The following ECPAS variants were observed in gnomAD, a reference collection of about 807,000 sequenced individuals.
ECPAS encodes the protein Ecm29 proteasome adaptor and scaffold.
A neutral mutation model predicts 255.1 loss-of-function variants in ECPAS; 70 were observed. The ratio of observed to expected loss-of-function variants is 0.27; its 90% CI spans 0.23 to 0.33. ECPAS has a LOEUF of 0.33. Ranked by LOEUF, ECPAS falls within the 10% of genes least tolerant of loss-of-function variation. ECPAS has a pLI of 1.00. For missense variants in ECPAS, 1,817 were observed against 2,206.4 expected, an observed-to-expected ratio of 0.82 and a Z score of 3.54; for synonymous variants, 784 against 775.0, an observed-to-expected ratio of 1.01 and a Z score of -0.19.
intron 46 of ECPAS, among the ~76,000 whole-genome samples, chr9:111,368,111 G>A (rs1009881614): frequency 1.3e-5 from 2 of 151,938 alleles, no homozygotes; most frequent in African/African-American, 4.8e-5. Flanking sequence ...CACAAGGCAA[G>A]CTTAAAGGGT....
chr9:111,449,630 A>G (rs955223772), intron 3 of ECPAS, among the ~76,000 whole-genome samples: 5 of 152,226 alleles, frequency 3.3e-5, no homozygotes, highest in Non-Finnish European at 1.5e-5. Context: ...AAAATCTAAG[A>G]TAAGTAAATG....
Position 111,433,332 on chromosome 9 carries a change from A to G in ECPAS, c.749T>C (p.Val250Ala). ...GTGGAGAACAGCTTCAAGTTCAGGC[A>G]CCTGTTCAGCTTCTATGAATTTCAC... is the stretch of plus-strand genomic sequence containing the variant. ...GIVKFIEAEQ[V>A]PELEAVLHLV... The change falls in exon 8 of 50, where the codon GTG (valine) becomes GCG (alanine). Residue 250 changes from valine to alanine, a missense_variant. Coordinates refer to ENST00000684092, the MANE Select transcript of ECPAS (RefSeq NM_001364929.1). The G allele has an allele frequency of 6.2e-7, 1 of 1,614,014 alleles. No individual in the cohort carries two copies. The highest frequency in any genetic ancestry group is 1.7e-5 in the Admixed American group (1 of 60,028).
intron 12 of ECPAS, among the ~76,000 whole-genome samples, chr9:111,423,570 A>G (rs985993676): frequency 6.6e-6 from 1 of 152,202 alleles, no homozygotes; most frequent in Non-Finnish European, 1.5e-5. Flanking sequence ...TTTCAACACT[A>G]TGTAACCTCC....
chr9:111,403,290 G>C (rs947330600), intron 24 of ECPAS, among the ~76,000 whole-genome samples: 1 of 151,964 alleles, frequency 6.6e-6, no homozygotes. Flanking sequence ...AACCCAGGAG[G>C]TGGAGGCTGC....
chr9:111,406,041 A>G (rs778572326), intron 24 of ECPAS, among the ~76,000 whole-genome samples: 7 of 149,844 alleles, frequency 4.7e-5, no homozygotes, highest in Non-Finnish European at 1.0e-4. Context: ...AAGAAAGAAA[A>G]TCTGTATTCT....
chr9:111,364,689 A>T (rs1453218731), intron 48 of ECPAS, among the ~76,000 whole-genome samples: 2 of 152,224 alleles, frequency 1.3e-5, no homozygotes. Context: ...TATTAGACAC[A>T]AAAAGAAAAC....
intron 4 of ECPAS, among the ~76,000 whole-genome samples, chr9:111,444,041 T>C (rs2098249590): frequency 6.6e-6 from 1 of 152,174 alleles, no homozygotes; most frequent in South Asian, 2.1e-4. Flanking sequence ...GCCCAAGCCG[T>C]ATAACATTTC....
At chr9:111,371,918 C>A (rs10980884) in intron 42 of ECPAS, 89 bp from the exon 43 acceptor site, 332,511 of 975,852 alleles carry the variant, frequency 0.34, 64,158 homozygotes, top group Non-Finnish European at 0.4. Context: ...GACCAACAGT[C>A]TAAAAGCAGT....
intron 8 of ECPAS, among the ~76,000 whole-genome samples, chr9:111,432,540 G>A (rs1406809620): frequency 2.6e-5 from 4 of 152,196 alleles, no homozygotes; most frequent in Admixed American, 6.5e-5. Flanking sequence ...CTTGAACCTG[G>A]TAGGTGGAGG....
In ECPAS at chr9:111,405,760, T is replaced by C. The variant is rs567094523; in HGVS notation, c.2652+2811A>G. Among the ~76,000 whole-genome samples the C allele has an allele frequency of 2.7e-5, 4 of 149,926 alleles. 1 individual carries two copies. In the South Asian group the frequency reaches 6.3e-4, roughly 23 times the overall value. On this transcript the variant is annotated intron_variant, in intron 24 of 49. Transcript: ENST00000684092. ...TACAGTTATTTCTCAAAAAAAGGTA[T>C]ATAAATGGCCAATAGGTATACAACA...
At chr9:111,366,154 T>C in intron 48 of ECPAS, 85 bp downstream of exon 48, 1 of 899,116 alleles carries the variant, frequency 1.1e-6, no homozygotes, top group Non-Finnish European at 1.8e-6. Context: ...ATTTAGTTCC[T>C]AAGACAAAGT....
chr9:111,396,903 G>T, intron 25 of ECPAS, 127 bp downstream of exon 25: 2 of 1,258,274 alleles, frequency 1.6e-6, no homozygotes, highest in Non-Finnish European at 2.2e-6. Flanking sequence ...GAATGAAATT[G>T]GTAAAACAGA....
chr9:111,464,835 G>C (rs2098277450), intron 2 of ECPAS, among the ~76,000 whole-genome samples: 1 of 152,146 alleles, frequency 6.6e-6, no homozygotes, highest in African/African-American at 2.4e-5. Flanking sequence ...AAAATGATAT[G>C]ATAAGGAGTA....
At chr9:111,475,883 GC>G (rs1304427922) in intron 1 of ECPAS, among the ~76,000 whole-genome samples, 1 of 152,094 alleles carries the variant, frequency 6.6e-6, no homozygotes, top group African/African-American at 2.4e-5. Context: ...GCTTGCCTTG[GC>G]CTTTCTACAA....
In ECPAS at chr9:111,373,502, T is replaced by G; in HGVS notation, c.4178-96A>C. The stretch of plus-strand genomic sequence containing the variant: ...AACAAACCTAACCCTGTAATTAACA[T>G]CTGATTTACTCCACAGTAGTTTAGA... On this transcript the variant is annotated intron_variant, in intron 39 of 49. Transcript: ENST00000684092. 4.5e-6 allele frequency: 4 copies of G among 880,138 alleles called. No homozygotes were observed. The South Asian group carries it at 6.0e-5, about 13-fold the overall frequency. The allele number at this position is 880,138 out of a possible 1,614,324, so 54.5% of individuals were successfully genotyped here.
chr9:111,466,008 G>A (rs953309842), intron 2 of ECPAS, among the ~76,000 whole-genome samples: 3 of 151,666 alleles, frequency 2.0e-5, no homozygotes, highest in East Asian at 1.9e-4. Context: ...ACTCCAGCCC[G>A]GGTAACAGAG....
At chr9:111,385,858 T>C (rs2098147479) in intron 32 of ECPAS, among the ~76,000 whole-genome samples, 1 of 152,262 alleles carries the variant, frequency 6.6e-6, no homozygotes, top group Non-Finnish European at 1.5e-5. Flanking sequence ...CATACTTACA[T>C]AAACTATGAC....
intron 2 of ECPAS, among the ~76,000 whole-genome samples, chr9:111,460,571 C>CA (rs2098271996): frequency 6.6e-6 from 1 of 151,876 alleles, no homozygotes; most frequent in South Asian, 2.1e-4. Context: ...GATTGGTACA[C>CA]AAAAAATCCA....
chr9:111,363,908 T>C (rs1267572995), intron 48 of ECPAS, among the ~76,000 whole-genome samples: 5 of 152,034 alleles, frequency 3.3e-5, no homozygotes, highest in Non-Finnish European at 7.4e-5. Context: ...CCACAACAAA[T>C]GGCAATATTT....
Sources: allele counts gnomAD v4.1 joint callset (sites outside exome capture counted in the v4.1 genomes callset), GRCh38; gene constraint gnomAD v4.1.1; transcripts MANE v1.5; gene names NCBI Gene and HGNC (gene_info 2026-07-23, HGNC 2026-07-21).